Variants in DPP4 observed in about 807,000 individuals in gnomAD.
DPP4 encodes ADCP-2.
A neutral mutation model predicts 122.4 loss-of-function variants in DPP4; 93 were observed. That is an observed-to-expected ratio of 0.76 (90% CI 0.64 to 0.90). The LOEUF (loss-of-function observed/expected upper bound fraction) is 0.90, where lower values mean the gene tolerates loss of function less well. Among genes scored for constraint, DPP4 ranks in the 40% least tolerant of loss-of-function variants. The pLI, the probability that DPP4 is intolerant of heterozygous loss-of-function variation, is 0.00. For synonymous variants in DPP4, 321 were observed against 302.9 expected, an observed-to-expected ratio of 1.06 and a Z score of -0.62; for missense variants, 914 against 907.3, an observed-to-expected ratio of 1.01 and a Z score of -0.09.
chr2:161,999,557 C>G (rs964400462), intron 23 of DPP4, among the ~76,000 whole-genome samples: 1 of 152,300 alleles, frequency 6.6e-6, no homozygotes. Context: ...TGGGAAGGAT[C>G]GGTCCAGTGG....
intron 5 of DPP4, among the ~76,000 whole-genome samples, chr2:162,042,000 T>C (rs564744325): frequency 2.0e-5 from 3 of 152,008 alleles, no homozygotes; most frequent in African/African-American, 7.2e-5. Flanking sequence ...GCAGAGAGGA[T>C]TATGGAAAAG....
chr2:162,046,572 A>AGT (rs1271839462), intron 4 of DPP4: 2 of 388,800 alleles, frequency 5.1e-6, no homozygotes, highest in African/African-American at 4.2e-5. Context: ...GTTAGCGTTA[A>AGT]GTGTGTGTAT....
chr2:162,017,382 T>C (rs1199470865), intron 16 of DPP4: 5 of 501,044 alleles, frequency 1.0e-5, no homozygotes, highest in African/African-American at 7.9e-5. Context: ...CAGGGCTCAG[T>C]AGAATGAAGT....
At chr2:162,033,685 AC>A (rs1348980776) in intron 9 of DPP4, 32 bp from the exon 10 acceptor site, 20 of 1,453,930 alleles carry the variant, frequency 1.4e-5, no homozygotes, top group Admixed American at 8.5e-5. Flanking sequence ...ATTGGTATTG[AC>A]AAAAAAAAAA....
intron 2 of DPP4, among the ~76,000 whole-genome samples, chr2:162,051,563 G>T (rs1684384702): frequency 6.6e-6 from 1 of 152,216 alleles, no homozygotes; most frequent in Non-Finnish European, 1.5e-5. Flanking sequence ...TGGTTATAAA[G>T]TTCCTGTGTT....
intron 10 of DPP4, among the ~76,000 whole-genome samples, chr2:162,029,158 C>A (rs931661981): frequency 1.3e-5 from 2 of 152,208 alleles, no homozygotes; most frequent in Non-Finnish European, 2.9e-5. Context: ...AAAGTGACCA[C>A]CTGTCCCAGC....
intron 2 of DPP4, among the ~76,000 whole-genome samples, chr2:162,062,876 C>T (rs1022298386): frequency 3.9e-5 from 6 of 151,980 alleles, no homozygotes; most frequent in African/African-American, 1.4e-4. Flanking sequence ...TCCACAATCT[C>T]AGAGATTAGT....
At chr2:162,062,571 A>G (rs1237570076) in intron 2 of DPP4, among the ~76,000 whole-genome samples, 1 of 152,184 alleles carries the variant, frequency 6.6e-6, no homozygotes, top group African/African-American at 2.4e-5. Context: ...CAGTTCATTG[A>G]GGTTGTGAGA....
chr2:162,007,963 C>A (rs1458308045), intron 22 of DPP4, among the ~76,000 whole-genome samples: 1 of 152,034 alleles, frequency 6.6e-6, no homozygotes, highest in African/African-American at 2.4e-5. Context: ...ACCTCCTTAC[C>A]ACTTCTGAAT....
At position 162,024,838 on chromosome 2, in the gene DPP4, T is replaced by C. The variant is rs1358537527; in HGVS notation, c.989A>G (p.Tyr330Cys). The C allele has an allele frequency of 1.2e-6, 2 of 1,613,836 alleles. No individual in the cohort carries two copies. Among genetic ancestry groups the C allele is most frequent in the Admixed American group, 1.7e-5 (1 of 60,008 alleles). The change falls in exon 11 of 26, where the codon TAT (tyrosine) becomes TGT (cysteine). Residue 330 changes from tyrosine (Y) to cysteine (C), a missense_variant. Transcript: ENST00000360534. ...GTTCCATCTTCCACTGGATTCATCA[T>C]AGTCACAAATATCCATGACCGAATA... is the stretch of plus-strand genomic sequence containing the variant. ...QNYSVMDICD[Y>C]DESSGRWNCL... is the part of the protein sequence containing the mutation.
intron 1 of DPP4, 31 bp from the exon 2 acceptor site, chr2:162,073,517 A>T (rs776820348): frequency 4.4e-6 from 7 of 1,607,548 alleles, no homozygotes; most frequent in Non-Finnish European, 6.0e-6. Flanking sequence ...GTCCAATTAG[A>T]GGGAAGCGTG....
At chr2:161,996,850 A>ATCCACAGT (rs955452589) in intron 23 of DPP4, among the ~76,000 whole-genome samples, 3 of 152,188 alleles carry the variant, frequency 2.0e-5, no homozygotes, top group African/African-American at 7.2e-5. Flanking sequence ...CCTCGGTACT[A>ATCCACAGT]TCCACAGTTT....
chr2:162,049,457 A>G (rs1317423815), intron 2 of DPP4, among the ~76,000 whole-genome samples: 2 of 144,884 alleles, frequency 1.4e-5, no homozygotes, highest in Non-Finnish European at 1.5e-5. Flanking sequence ...GCGAGGAACA[A>G]CCAACACTGA....
At chr2:162,019,996 G>A (rs557068128) in intron 14 of DPP4, among the ~76,000 whole-genome samples, 1 of 152,288 alleles carries the variant, frequency 6.6e-6, no homozygotes, top group East Asian at 1.9e-4. Context: ...TACAGCTCTT[G>A]TAATGTAAAG....
chr2:162,046,404 T>C (rs2106134172), intron 4 of DPP4, among the ~76,000 whole-genome samples: 1 of 152,254 alleles, frequency 6.6e-6, no homozygotes, highest in Non-Finnish European at 1.5e-5. Context: ...ATTAAGTAAC[T>C]TTTACCAATA....
At chr2:162,063,816 G>A (rs1684862871) in intron 2 of DPP4, among the ~76,000 whole-genome samples, 1 of 152,180 alleles carries the variant, frequency 6.6e-6, no homozygotes, top group South Asian at 2.1e-4. Context: ...TAGGTTGGCA[G>A]GGATGAGGGT....
At chr2:162,011,735 A>C in intron 20 of DPP4, 58 bp downstream of exon 20, 1 of 1,554,548 alleles carries the variant, frequency 6.4e-7, no homozygotes, top group Non-Finnish European at 8.8e-7. Context: ...TTTAAAATGT[A>C]AATTTTAAAG....
intron 24 of DPP4, 60 bp from the exon 25 acceptor site, chr2:161,995,094 A>G: frequency 6.4e-7 from 1 of 1,574,282 alleles, no homozygotes; most frequent in Non-Finnish European, 8.7e-7. Context: ...TCTGGTACCA[A>G]GGGGTGGGAA....
At chr2:162,054,038 G>A (rs1301799740) in intron 2 of DPP4, among the ~76,000 whole-genome samples, 1 of 152,172 alleles carries the variant, frequency 6.6e-6, no homozygotes, top group East Asian at 1.9e-4. Flanking sequence ...GGGGGGGTGG[G>A]GGTGGTCCTC....
Sources: allele counts gnomAD v4.1 joint callset (sites outside exome capture counted in the v4.1 genomes callset), GRCh38; gene constraint gnomAD v4.1.1; transcripts MANE v1.5; gene names NCBI Gene and HGNC (gene_info 2026-07-23, HGNC 2026-07-21).